PTPRM: variants seen among roughly 807,000 people sequenced by gnomAD.
The protein encoded by PTPRM is receptor-type tyrosine-protein phosphatase mu.
In PTPRM, 47 loss-of-function variants were observed where a neutral mutation model predicts 186.7. The ratio of observed to expected loss-of-function variants is 0.25; its 90% CI spans 0.20 to 0.32. The LOEUF (loss-of-function observed/expected upper bound fraction) is 0.32, where lower values mean the gene tolerates loss of function less well. PTPRM is among the 10% of genes least tolerant of loss of function. PTPRM has a pLI of 1.00. For synonymous variants in PTPRM, 668 were observed against 674.9 expected (o/e 0.99, Z 0.16); for missense variants, 1,494 against 1,865.0 (o/e 0.80, Z 3.66).
chr18:7,851,281 T>C (rs1441348098), intron 2 of PTPRM, among the ~76,000 whole-genome samples: 1 of 152,154 alleles, frequency 6.6e-6, no homozygotes, highest in Non-Finnish European at 1.5e-5. Context: ...GGCAGAGGAA[T>C]TGAAGCAATA....
chr18:7,740,999 T>TA (rs1464802311), intron 1 of PTPRM, among the ~76,000 whole-genome samples: 1 of 152,134 alleles, frequency 6.6e-6, no homozygotes, highest in African/African-American at 2.4e-5. Flanking sequence ...GCCTCACAGT[T>TA]TGTAAGGGCT....
chr18:8,217,238 G>A (rs2094099377), intron 14 of PTPRM, among the ~76,000 whole-genome samples: 1 of 151,848 alleles, frequency 6.6e-6, no homozygotes, highest in South Asian at 2.1e-4. Flanking sequence ...TAAAATAACT[G>A]AAACAGATTG....
intron 1 of PTPRM, among the ~76,000 whole-genome samples, chr18:7,672,090 C>T (rs1194090215): frequency 2.0e-5 from 3 of 152,116 alleles, no homozygotes; most frequent in East Asian, 1.9e-4. Context: ...TTTTTAGAAA[C>T]GGGCTTCACA....
chr18:8,365,716 A>G (rs2095624787), intron 23 of PTPRM: 1 of 152,284 alleles, frequency 6.6e-6, no homozygotes, highest in South Asian at 2.1e-4. Flanking sequence ...CTCCACCATC[A>G]TAAGCCATGC....
chr18:8,231,201 C>T (rs2094281707), intron 14 of PTPRM, among the ~76,000 whole-genome samples: 1 of 152,170 alleles, frequency 6.6e-6, no homozygotes, highest in African/African-American at 2.4e-5. Context: ...CCTAGCATGG[C>T]AGGGTCTATC....
At chr18:7,876,529 T>C (rs2048254060) in intron 2 of PTPRM, among the ~76,000 whole-genome samples, 1 of 152,168 alleles carries the variant, frequency 6.6e-6, no homozygotes, top group African/African-American at 2.4e-5. Flanking sequence ...ATCTGAGCCA[T>C]GCATGGCTGA....
At chr18:8,063,106 C>T (rs1428675027) in intron 7 of PTPRM, among the ~76,000 whole-genome samples, 18 of 151,486 alleles carry the variant, frequency 1.2e-4, no homozygotes, top group African/African-American at 3.7e-4. Context: ...TGGCAATCAG[C>T]GAGACTCCGT....
At chr18:8,156,120 G>A (rs1042686364) in intron 14 of PTPRM, among the ~76,000 whole-genome samples, 1 of 152,186 alleles carries the variant, frequency 6.6e-6, no homozygotes, top group Non-Finnish European at 1.5e-5. Flanking sequence ...GAATAGGGTT[G>A]AGGTACAAGG....
At chr18:8,169,912 G>A (rs1008415262) in intron 14 of PTPRM, among the ~76,000 whole-genome samples, 3 of 151,998 alleles carry the variant, frequency 2.0e-5, no homozygotes, top group African/African-American at 4.8e-5. Flanking sequence ...CCTGTCTTTT[G>A]GAATGCATTT....
chr18:8,385,379 A>C (rs2095765440), intron 30 of PTPRM, among the ~76,000 whole-genome samples: 1 of 152,244 alleles, frequency 6.6e-6, no homozygotes, highest in South Asian at 2.1e-4. Context: ...CAAATTCTAC[A>C]GGAAAAGAAG....
In PTPRM at chr18:7,713,722, C is replaced by T. The variant is rs114511438; in HGVS notation, c.74-60427C>T. Reference sequence around the variant, plus strand: ...CAAAAAAAAAAAAAAAAGGAGGGGTCGCAATCCTGGTTTCTGATAAAACAG... The same window carrying T: ...CAAAAAAAAAAAAAAAAGGAGGGGTTGCAATCCTGGTTTCTGATAAAACAG... On this transcript the variant is annotated intron_variant, in intron 1 of 32. Transcript: ENST00000580170. Among the ~76,000 whole-genome samples the T allele has an allele frequency of 9.3e-3, 1,386 of 149,188 alleles. 21 individuals carry two copies. The highest frequency in any genetic ancestry group is 0.032 in the African/African-American group (1,307 of 40,618).
intron 1 of PTPRM, among the ~76,000 whole-genome samples, chr18:7,763,498 A>G (rs1481284384): frequency 6.6e-6 from 1 of 152,178 alleles, no homozygotes. Context: ...TGCAAAGAGC[A>G]AGACACATGT....
At chr18:7,722,142 G>T (rs1448298226) in intron 1 of PTPRM, among the ~76,000 whole-genome samples, 1 of 152,122 alleles carries the variant, frequency 6.6e-6, no homozygotes, top group Admixed American at 6.6e-5. Context: ...AATCTTCTGT[G>T]CTCTGCTTAT....
chr18:7,637,184 A>AAC (rs2038336192), intron 1 of PTPRM, among the ~76,000 whole-genome samples: 1 of 151,790 alleles, frequency 6.6e-6, no homozygotes, highest in African/African-American at 2.4e-5. Flanking sequence ...AAAAAAAAAA[A>AAC]AACAGTGTAA....
At chr18:7,994,446 A>G (rs1467915266) in intron 7 of PTPRM, among the ~76,000 whole-genome samples, 2 of 152,138 alleles carry the variant, frequency 1.3e-5, no homozygotes, top group African/African-American at 2.4e-5. Flanking sequence ...ACAAAGAAAT[A>G]TTGGACTTAA....
chr18:7,801,583 C>T lies in PTPRM; in HGVS notation c.196+27312C>T, dbSNP rs544127656. Among the ~76,000 whole-genome samples the T allele has an allele frequency of 2.9e-4, 44 of 152,254 alleles. 1 individual carries two copies. In the South Asian group the frequency reaches 9.1e-3, roughly 32 times the overall value. On this transcript the variant is annotated intron_variant, in intron 2 of 32. Coordinates refer to ENST00000580170, the MANE Select transcript of PTPRM (RefSeq NM_001105244.2). ...AAATAACAACAAAAGTATAGTATAGCAAATTCATAAACCAGTAACATAGTC... is the reference window on the plus strand; with the variant it reads ...AAATAACAACAAAAGTATAGTATAGTAAATTCATAAACCAGTAACATAGTC...
At chr18:8,095,073 G>A (rs1568332169) in intron 11 of PTPRM, among the ~76,000 whole-genome samples, 1 of 152,090 alleles carries the variant, frequency 6.6e-6, no homozygotes, top group African/African-American at 2.4e-5. Flanking sequence ...CAAGCACAAG[G>A]TGGTGCTAAG....
At chr18:7,715,558 A>T (rs1038843397) in intron 1 of PTPRM, among the ~76,000 whole-genome samples, 1 of 152,190 alleles carries the variant, frequency 6.6e-6, no homozygotes, top group Admixed American at 6.5e-5. Context: ...GAAGAGAAGA[A>T]GTCAAATTGT....
At chr18:8,191,450 C>A (rs2146711456) in intron 14 of PTPRM, among the ~76,000 whole-genome samples, 1 of 152,142 alleles carries the variant, frequency 6.6e-6, no homozygotes, top group African/African-American at 2.4e-5. Flanking sequence ...AAGATGCCAG[C>A]TAATAAATGT....
Sources: allele counts gnomAD v4.1 joint callset (sites outside exome capture counted in the v4.1 genomes callset), GRCh38; gene constraint gnomAD v4.1.1; transcripts MANE v1.5; gene names NCBI Gene and HGNC (gene_info 2026-07-23, HGNC 2026-07-21).